NDUFS5: variants seen among roughly 807,000 people sequenced by gnomAD.
NDUFS5 encodes the protein NADH dehydrogenase [ubiquinone] iron-sulfur protein 5.
Under a neutral mutation model 10.5 loss-of-function variants are expected in NDUFS5, and 7 were observed. The ratio of observed to expected loss-of-function variants is 0.66; its 90% CI spans 0.38 to 1.25. The LOEUF is 1.25. Ranked by LOEUF, NDUFS5 falls within the 50% of genes most tolerant of loss-of-function variation. The probability of loss-of-function intolerance (pLI) is 0.02; values close to 1 mark genes in which losing one functional copy is unlikely to be tolerated. For missense variants in NDUFS5, 148 were observed against 140.7 expected (o/e 1.05, Z -0.26); for synonymous variants, 38 against 44.0 (o/e 0.86, Z 0.54).
chr1:39,033,270 C>G (rs61415282), intron 2 of NDUFS5, among the ~76,000 whole-genome samples: 2,690 of 152,118 alleles, frequency 0.018, 75 homozygotes, highest in African/African-American at 0.061. Context: ...AGTGCCACTT[C>G]CACATAGAAT....
At chr1:39,032,151 G>A (rs1355997360) in intron 2 of NDUFS5, among the ~76,000 whole-genome samples, 1 of 152,108 alleles carries the variant, frequency 6.6e-6, no homozygotes, top group Non-Finnish European at 1.5e-5. Context: ...CAACAAGAGT[G>A]AAACTCTGTG....
chr1:39,032,017 G>C (rs373916945), intron 2 of NDUFS5, among the ~76,000 whole-genome samples: 2 of 152,024 alleles, frequency 1.3e-5, no homozygotes, highest in African/African-American at 2.4e-5. Context: ...AATTAGCTGG[G>C]TGTGGTAAGG....
In NDUFS5 at chr1:39,028,828, C is replaced by G; in HGVS notation, c.104C>G (p.Ala35Gly). ...TACAAGATGGCTGGTCGATGCCATGCTTTTGAAAAAGAATGGATAGAATGT... is the reference window on the plus strand; with the variant it reads ...TACAAGATGGCTGGTCGATGCCATGGTTTTGAAAAAGAATGGATAGAATGT... ...QPYKMAGRCH[A>G]FEKEWIECAH... The change falls in exon 2 of 3, where the codon GCT becomes GGT. Residue 35 changes from alanine (A) to glycine (G), a missense_variant. Ala to Gly is a moderately conservative substitution (Grantham distance 60). Transcript: ENST00000372969. 6.2e-7 allele frequency: 1 copy of G among 1,613,998 alleles called. No individual in the cohort carries two copies. The highest frequency in any genetic ancestry group is 1.1e-5 in the South Asian group (1 of 91,078).
At chr1:39,028,967 G>T in intron 2 of NDUFS5, 27 bp downstream of exon 2, 2 of 1,564,796 alleles carry the variant, frequency 1.3e-6, no homozygotes, top group South Asian at 1.1e-5. Flanking sequence ...GGTGGAAGCT[G>T]AATTACTTTC....
chr1:39,029,235 C>T (rs1226012338), intron 2 of NDUFS5, among the ~76,000 whole-genome samples: 8 of 152,030 alleles, frequency 5.3e-5, no homozygotes, highest in African/African-American at 1.4e-4. Context: ...TCAGGTGATC[C>T]GCCCCCCTCA....
At chr1:39,028,022 A>G (rs1644164129) in intron 1 of NDUFS5, among the ~76,000 whole-genome samples, 1 of 146,368 alleles carries the variant, frequency 6.8e-6, no homozygotes, top group African/African-American at 2.5e-5. Context: ...ATTTCACCAT[A>G]TTGGCCAGGC....
At chr1:39,026,686 A>G (rs1644151032) in intron 1 of NDUFS5, among the ~76,000 whole-genome samples, 1 of 152,156 alleles carries the variant, frequency 6.6e-6, no homozygotes, top group Non-Finnish European at 1.5e-5. Flanking sequence ...CCAGCTTTCC[A>G]GGCTCTGCGT....
Position 39,028,969 on chromosome 1 carries a change from A to T in NDUFS5, c.216+29A>T, listed in dbSNP as rs182256239. 8.3e-6 allele frequency: 13 copies of T among 1,573,574 alleles called. No individual in the cohort carries two copies. In the East Asian group the frequency reaches 2.9e-4, roughly 35 times the overall value. On this transcript the variant is annotated intron_variant, in intron 2 of 2. Coordinates refer to ENST00000372969, the MANE Select transcript of NDUFS5 (RefSeq NM_004552.3). ...AGGAAATGATGGAGGTGGAAGCTGA[A>T]TTACTTTCTTGTTCCTTTGGGACTC...
At position 39,027,811 on chromosome 1, in the gene NDUFS5, C is replaced by CTTTT. The variant is rs776540164; in HGVS notation, c.-2-910_-2-909insTTTT. On this transcript the variant is annotated intron_variant, in intron 1 of 2. Coordinates refer to ENST00000372969, the MANE Select transcript of NDUFS5 (RefSeq NM_004552.3). ...GGATCCAAATTCTTTTTTTCTTCTT[C>CTTTT]TTCTTTTTTTTTTTTTTTTTTTTTT... Among the ~76,000 whole-genome samples the CTTTT allele has an allele frequency of 2.6e-4, 15 of 58,630 alleles. 2 individuals are homozygous for CTTTT. Among genetic ancestry groups the CTTTT allele is most frequent in the African/African-American group, 8.5e-4 (12 of 14,200 alleles). 38.5% of individuals were successfully genotyped at this position (58,630 alleles called of 152,430 possible). A position where few individuals can be genotyped will look rare whatever the true frequency, so the allele number is the denominator to read the frequency against.
chr1:39,034,020 T>TAA (rs1027301092), intron 2 of NDUFS5, among the ~76,000 whole-genome samples: 12 of 151,958 alleles, frequency 7.9e-5, no homozygotes, highest in Admixed American at 2.0e-4. Context: ...AGTCTGGTCT[T>TAA]AAACTCTTGA....
At chr1:39,027,811 C>CTTTTTTTTTTTTTT (rs776540164) in intron 1 of NDUFS5, among the ~76,000 whole-genome samples, 2 of 58,624 alleles carry the variant, frequency 3.4e-5, no homozygotes, top group African/African-American at 7.1e-5. Context: ...TTTTCTTCTT[C>CTTTTTTTTTTTTTT]TTCTTTTTTT....
intron 2 of NDUFS5, 106 bp downstream of exon 2, chr1:39,029,046 G>A (rs1644172629): frequency 3.8e-6 from 4 of 1,040,940 alleles, no homozygotes; most frequent in Non-Finnish European, 5.5e-6. Context: ...AGGCTGGTGT[G>A]TGATGGCGCC....
intron 2 of NDUFS5, among the ~76,000 whole-genome samples, chr1:39,029,236 G>A (rs924297741): frequency 1.4e-4 from 21 of 152,008 alleles, no homozygotes; most frequent in African/African-American, 4.8e-4. Context: ...CAGGTGATCC[G>A]CCCCCCTCAG....
chr1:39,030,076 G>A (rs1644179020), intron 2 of NDUFS5, among the ~76,000 whole-genome samples: 1 of 151,582 alleles, frequency 6.6e-6, no homozygotes, highest in Non-Finnish European at 1.5e-5. Context: ...GGGCGACAGA[G>A]CGAGACTCTG....
chr1:39,027,836 T>G (rs1233956888), intron 1 of NDUFS5, among the ~76,000 whole-genome samples: 1 of 115,574 alleles, frequency 8.7e-6, no homozygotes. Flanking sequence ...TTTTTTTTTT[T>G]GAGACAGAGT....
chr1:39,034,270 G>A (rs534272808), intron 2 of NDUFS5, 122 bp from the exon 3 acceptor site: 1 of 802,184 alleles, frequency 1.2e-6, no homozygotes, highest in East Asian at 2.9e-5. Flanking sequence ...CATTTCAGAG[G>A]CCCCGTAAGA....
At chr1:39,030,269 G>C (rs776280741) in intron 2 of NDUFS5, among the ~76,000 whole-genome samples, 5 of 150,838 alleles carry the variant, frequency 3.3e-5, no homozygotes, top group African/African-American at 4.9e-5. Flanking sequence ...CCTAGGCATG[G>C]TGACAGGGGC....
chr1:39,034,268 AG>A (rs1266095233), intron 2 of NDUFS5, 123 bp from the exon 3 acceptor site: 1 of 786,532 alleles, frequency 1.3e-6, no homozygotes, highest in African/African-American at 1.7e-5. Flanking sequence ...TTCATTTCAG[AG>A]GCCCCGTAAG....
chr1:39,033,792 G>A (rs1427774919), intron 2 of NDUFS5, among the ~76,000 whole-genome samples: 8 of 141,314 alleles, frequency 5.7e-5, no homozygotes, highest in African/African-American at 1.9e-4. Flanking sequence ...GAGCCACCAC[G>A]GCCCAACTTT....
Sources: gnomAD v4.1 joint callset for allele counts (sites outside exome capture counted in the v4.1 genomes callset) on GRCh38, gnomAD v4.1.1 for gene constraint, MANE v1.5 for transcripts, NCBI Gene and HGNC (gene_info 2026-07-23, HGNC 2026-07-21) for gene names.